Variants in SDCCAG8 observed in about 807,000 individuals in gnomAD.
SDCCAG8 encodes the protein serologically defined colon cancer antigen 8.
In SDCCAG8, 74 loss-of-function variants were observed where a neutral mutation model predicts 101.8. The ratio of observed to expected loss-of-function variants is 0.73; its 90% CI spans 0.60 to 0.88. SDCCAG8 has a LOEUF of 0.88. Among genes scored for constraint, SDCCAG8 ranks in the 40% least tolerant of loss-of-function variants. The pLI is 0.00. For missense variants in SDCCAG8, 787 were observed against 822.6 expected, an observed-to-expected ratio of 0.96 and a Z score of 0.53; for synonymous variants, 281 against 292.9, an observed-to-expected ratio of 0.96 and a Z score of 0.41.
chr1:243,483,499 G>T (rs1664188713), intron 16 of SDCCAG8, among the ~76,000 whole-genome samples: 1 of 152,060 alleles, frequency 6.6e-6, no homozygotes, highest in Admixed American at 6.6e-5. Context: ...GTCCTCTGCC[G>T]TGAAGATTGC....
In SDCCAG8 at chr1:243,272,614, G is replaced by C. The variant is rs139212299; in HGVS notation, c.306+1551G>C. 2.9e-4 allele frequency among the ~76,000 whole-genome samples: 44 copies of C among 152,242 alleles called. No individual in the cohort carries two copies. The East Asian group carries it at 8.3e-3, about 29-fold the overall frequency. On this transcript the variant is annotated intron_variant, in intron 3 of 17. Transcript: ENST00000366541. ...TTAAAGTCTGAGCAGTGATATTATG[G>C]AGCTTACTGAATCCAGACAGGCAGG...
At chr1:243,442,273 A>G (rs1056423236) in intron 16 of SDCCAG8, among the ~76,000 whole-genome samples, 1 of 152,218 alleles carries the variant, frequency 6.6e-6, no homozygotes, top group Non-Finnish European at 1.5e-5. Context: ...CTCTGGTATC[A>G]CTGGTTGTAA....
At chr1:243,488,942 T>G in intron 16 of SDCCAG8, 72 bp from the exon 17 acceptor site, 1 of 1,610,358 alleles carries the variant, frequency 6.2e-7, no homozygotes, top group Admixed American at 1.7e-5. Context: ...TTCCCTCAGA[T>G]ACACACAGCC....
chr1:243,366,809 T>C (rs1012349023), intron 12 of SDCCAG8, among the ~76,000 whole-genome samples: 1 of 152,030 alleles, frequency 6.6e-6, no homozygotes, highest in Non-Finnish European at 1.5e-5. Context: ...TATTCATATA[T>C]AGTGTGTATA....
chr1:243,454,549 C>T (rs576305247), intron 16 of SDCCAG8, among the ~76,000 whole-genome samples: 4 of 152,214 alleles, frequency 2.6e-5, no homozygotes, highest in Admixed American at 2.6e-4. Context: ...GGAACAAGCA[C>T]GAGTAAGGGA....
chr1:243,280,740 G>C (rs964835885), intron 4 of SDCCAG8, among the ~76,000 whole-genome samples: 1 of 152,070 alleles, frequency 6.6e-6, no homozygotes, highest in South Asian at 2.1e-4. Context: ...CCCAGCTATC[G>C]TTCTGTTATT....
chr1:243,385,466 G>T (rs543433867), intron 13 of SDCCAG8, among the ~76,000 whole-genome samples: 1 of 152,228 alleles, frequency 6.6e-6, no homozygotes, highest in African/African-American at 2.4e-5. Flanking sequence ...CAGAAGGGAG[G>T]TTCTAGAAAA....
At chr1:243,414,193 G>C (rs2080399536) in intron 13 of SDCCAG8, among the ~76,000 whole-genome samples, 1 of 152,158 alleles carries the variant, frequency 6.6e-6, no homozygotes, top group African/African-American at 2.4e-5. Context: ...AGGAAGGAGA[G>C]GGGAAGAATT....
chr1:243,349,554 G>C (rs1029637460), intron 12 of SDCCAG8, among the ~76,000 whole-genome samples: 4 of 152,166 alleles, frequency 2.6e-5, no homozygotes, highest in Non-Finnish European at 5.9e-5. Context: ...GCTGAGCTTT[G>C]AGTTTGAAGA....
intron 13 of SDCCAG8, among the ~76,000 whole-genome samples, chr1:243,393,982 A>C (rs1449923518): frequency 1.3e-5 from 2 of 152,242 alleles, no homozygotes; most frequent in Non-Finnish European, 2.9e-5. Context: ...ACAAAAATCA[A>C]ACCAACTCAT....
intron 12 of SDCCAG8, among the ~76,000 whole-genome samples, chr1:243,360,779 G>A (rs1335477930): frequency 5.3e-5 from 8 of 151,948 alleles, no homozygotes; most frequent in South Asian, 4.2e-4. Context: ...CCGGGATTGC[G>A]CCACTGCACT....
chr1:243,492,189 C>T (rs891343358), intron 17 of SDCCAG8, among the ~76,000 whole-genome samples: 3 of 151,402 alleles, frequency 2.0e-5, no homozygotes, highest in African/African-American at 7.3e-5. Context: ...GTAGCTGCCA[C>T]ATGGATGCTT....
At chr1:243,289,221 C>G (rs181895776) in intron 5 of SDCCAG8, among the ~76,000 whole-genome samples, 2 of 152,264 alleles carry the variant, frequency 1.3e-5, no homozygotes, top group African/African-American at 4.8e-5. Context: ...AACCCGCTGT[C>G]TGAGGTACAA....
intron 9 of SDCCAG8, among the ~76,000 whole-genome samples, chr1:243,325,131 AT>A (rs1016511260): frequency 1.3e-5 from 2 of 152,224 alleles, no homozygotes; most frequent in Non-Finnish European, 2.9e-5. Flanking sequence ...TGTGACATCT[AT>A]CATTGTATTT....
chr1:243,475,866 CA>C (rs1443673123), intron 16 of SDCCAG8: 8 of 928,530 alleles, frequency 8.6e-6, no homozygotes, highest in Non-Finnish European at 1.0e-5. Flanking sequence ...TGCCACTCCT[CA>C]AAAAGCAAAA....
intron 9 of SDCCAG8, among the ~76,000 whole-genome samples, chr1:243,321,840 C>T (rs1371875510): frequency 2.0e-5 from 3 of 152,046 alleles, no homozygotes; most frequent in Admixed American, 6.5e-5. Flanking sequence ...GTAAAGACAG[C>T]GTTTTGCCAT....
intron 6 of SDCCAG8, among the ~76,000 whole-genome samples, chr1:243,300,471 TA>T (rs1402959140): frequency 1.3e-5 from 2 of 152,212 alleles, no homozygotes; most frequent in African/African-American, 4.8e-5. Flanking sequence ...TCAATTCTGA[TA>T]AAAAGCTTTC....
At chr1:243,478,856 G>A (rs964192263) in intron 16 of SDCCAG8, among the ~76,000 whole-genome samples, 1 of 151,578 alleles carries the variant, frequency 6.6e-6, no homozygotes, top group African/African-American at 2.4e-5. Flanking sequence ...TACTCGGGAG[G>A]CTGAGGCAGG....
At position 243,500,024 on chromosome 1, in the gene SDCCAG8, G is replaced by GTGT; in HGVS notation, c.*241_*243dup. ...GTTTTCAGAAATGGCTTGAAGTTATGTGTTTAAATCTGCTCATTCGTATGC... is the reference window on the plus strand; with the variant it reads ...GTTTTCAGAAATGGCTTGAAGTTATGTGTTGTTTAAATCTGCTCATTCGTATGC... On this transcript the variant is annotated 3_prime_UTR_variant, in exon 18 of 18. Transcript: ENST00000366541. 1.7e-6 allele frequency: 1 copy of GTGT among 579,318 alleles called. No homozygotes were observed. 35.9% of individuals were successfully genotyped at this position (579,318 alleles called of 1,614,324 possible).
Sources: gnomAD v4.1 joint callset for allele counts (sites outside exome capture counted in the v4.1 genomes callset) on GRCh38, gnomAD v4.1.1 for gene constraint, MANE v1.5 for transcripts, NCBI Gene and HGNC (gene_info 2026-07-23, HGNC 2026-07-21) for gene names.